MYO5B: variants seen among roughly 807,000 people sequenced by gnomAD.
MYO5B encodes unconventional myosin-Vb.
MYO5B carries 143 observed loss-of-function variants against 229.3 expected under a neutral mutation model. The ratio of observed to expected loss-of-function variants is 0.62; its 90% confidence interval spans 0.54 to 0.72. The LOEUF is 0.72. Among genes scored for constraint, MYO5B ranks in the 30% least tolerant of loss-of-function variants. The pLI is 0.00. For missense variants in MYO5B, 2,321 were observed against 2,331.0 expected (o/e 1.00, Z 0.09); for synonymous variants, 918 against 885.2 (o/e 1.04, Z -0.66).
At chr18:50,091,461 G>A (rs2031446690) in intron 1 of MYO5B, among the ~76,000 whole-genome samples, 3 of 151,706 alleles carry the variant, frequency 2.0e-5, no homozygotes, top group Admixed American at 2.0e-4. Context: ...ATGTATAGAT[G>A]GCACTTCATA....
intron 17 of MYO5B, among the ~76,000 whole-genome samples, chr18:49,915,283 C>T (rs953177999): frequency 6.6e-6 from 1 of 150,882 alleles, no homozygotes; most frequent in African/African-American, 2.5e-5. Flanking sequence ...ACACCCTATT[C>T]TGCCCTATTC....
In MYO5B at chr18:50,150,144, C is replaced by T. The variant is rs1441605443; in HGVS notation, c.27+44623G>A. ...AAAACCACAATGAGATACCATCTCA[C>T]ACCAGTTAGAATGGCAATCATTAAA... On this transcript the variant is annotated intron_variant, in intron 1 of 39. Coordinates refer to ENST00000285039, the MANE Select transcript of MYO5B (RefSeq NM_001080467.3). Among the ~76,000 whole-genome samples the T allele has an allele frequency of 6.4e-5, 9 of 140,126 alleles. No homozygotes were observed. In the East Asian group the frequency reaches 1.7e-3, roughly 27 times the overall value. The allele number at this position is 140,126 out of a possible 152,430, so 91.9% of individuals were successfully genotyped here. A position where few individuals can be genotyped will look rare whatever the true frequency, so the allele number is the denominator to read the frequency against.
At chr18:50,111,760 C>G (rs966452313) in intron 1 of MYO5B, among the ~76,000 whole-genome samples, 2 of 152,226 alleles carry the variant, frequency 1.3e-5, no homozygotes, top group Non-Finnish European at 2.9e-5. Context: ...CGTTTACTAA[C>G]TGAACATTGG....
At chr18:50,172,245 C>A (rs1599075580) in intron 1 of MYO5B, among the ~76,000 whole-genome samples, 1 of 144,382 alleles carries the variant, frequency 6.9e-6, no homozygotes, top group Non-Finnish European at 1.5e-5. Context: ...CACGCCATTG[C>A]ACTCCAGCCT....
At chr18:49,938,731 T>C (rs1432786607) in intron 14 of MYO5B, among the ~76,000 whole-genome samples, 1 of 152,214 alleles carries the variant, frequency 6.6e-6, no homozygotes, top group African/African-American at 2.4e-5. Context: ...GTCACGTTGC[T>C]GTCTCATAGG....
At chr18:49,905,270 G>T (rs958555804) in intron 19 of MYO5B, among the ~76,000 whole-genome samples, 10 of 152,284 alleles carry the variant, frequency 6.6e-5, no homozygotes, top group African/African-American at 2.4e-4. Context: ...TAGGCACTGG[G>T]TAAGTGTTTG....
intron 2 of MYO5B, 44 bp from the exon 3 acceptor site, chr18:50,040,358 C>T (rs770258358): frequency 7.0e-6 from 11 of 1,565,752 alleles, no homozygotes; most frequent in East Asian, 6.7e-5. Flanking sequence ...GGTTATGAAG[C>T]GTTAAGTCTG....
rs1555795769 is a variant in MYO5B, at chr18:49,872,212, G to T, written c.3558C>A (p.Asp1186Glu). Residue 1186 changes from aspartate to glutamate, a missense_variant, in exon 27 of 40, where the codon GAC becomes GAA. Asp to Glu is a conservative substitution (Grantham distance 45). Around this residue, in one of 2 missense-constraint regions of MYO5B, gnomAD observed 2,113 missense variants for 2,044.7 expected, o/e 1.03. Transcript: ENST00000285039. ...KKVQAEPPQT[D>E]IDLDPNADLA... ...GATCTGCATTCGGGTCCAAATCTATGTCAGTCTGTGGTGGTTCCGCCTGCA... is the reference window on the plus strand; with the variant it reads ...GATCTGCATTCGGGTCCAAATCTATTTCAGTCTGTGGTGGTTCCGCCTGCA... 2 of 1,613,962 alleles carry T rather than the reference G, an allele frequency of 1.2e-6. No individual in the cohort carries two copies. Among genetic ancestry groups the T allele is most frequent in the Non-Finnish European group, 1.7e-6 (2 of 1,179,982 alleles).
At chr18:50,187,479 A>G (rs1432751613) in intron 1 of MYO5B, among the ~76,000 whole-genome samples, 1 of 152,134 alleles carries the variant, frequency 6.6e-6, no homozygotes, top group Non-Finnish European at 1.5e-5. Flanking sequence ...TGACAAACCC[A>G]AAATCATTCT....
At chr18:50,126,978 T>A (rs2032174451) in intron 1 of MYO5B, among the ~76,000 whole-genome samples, 1 of 152,222 alleles carries the variant, frequency 6.6e-6, no homozygotes, top group Non-Finnish European at 1.5e-5. Context: ...TTAAAAAGTA[T>A]TTTTTAGAAC....
At chr18:50,059,466 G>C (rs1228083931) in intron 1 of MYO5B, among the ~76,000 whole-genome samples, 1 of 152,220 alleles carries the variant, frequency 6.6e-6, no homozygotes, top group Non-Finnish European at 1.5e-5. Flanking sequence ...TTGGAAGAGA[G>C]AAAGTTGGTA....
chr18:49,990,987 T>C (rs1384407781), intron 6 of MYO5B, among the ~76,000 whole-genome samples: 3 of 150,224 alleles, frequency 2.0e-5, no homozygotes, highest in African/African-American at 7.4e-5. Context: ...TGAGGCAGGA[T>C]GTCTGGGGAA....
Position 50,087,970 on chromosome 18 carries a change from CAG to C in MYO5B, c.28-32594_28-32593del, listed in dbSNP as rs537720705. ...GGGTACCACAGAAACTCTGAGATGGCAGAGATTCTTTTGGCTGGAAGGTTAGA... is the reference window on the plus strand; with the variant it reads ...GGGTACCACAGAAACTCTGAGATGGCAGATTCTTTTGGCTGGAAGGTTAGA... On this transcript the variant is annotated intron_variant, in intron 1 of 39. Coordinates refer to ENST00000285039, the MANE Select transcript of MYO5B (RefSeq NM_001080467.3). 2.7e-4 allele frequency among the ~76,000 whole-genome samples: 41 copies of C among 152,288 alleles called. No individual in the cohort carries two copies. In the East Asian group the frequency reaches 7.9e-3, roughly 29 times the overall value.
intron 14 of MYO5B, among the ~76,000 whole-genome samples, chr18:49,941,883 C>CA: frequency 7.1e-6 from 1 of 140,258 alleles, no homozygotes; most frequent in Non-Finnish European, 1.5e-5. Flanking sequence ...AATCCTAAGC[C>CA]AAAAGAACAA....
At chr18:49,988,833 G>T (rs1218310057) in intron 7 of MYO5B, among the ~76,000 whole-genome samples, 3 of 152,168 alleles carry the variant, frequency 2.0e-5, no homozygotes, top group Non-Finnish European at 4.4e-5. Flanking sequence ...AGAGTGCTCA[G>T]CCCCTGTTCT....
chr18:50,149,186 G>T (rs1306377017), intron 1 of MYO5B, among the ~76,000 whole-genome samples: 2 of 152,120 alleles, frequency 1.3e-5, no homozygotes, highest in Non-Finnish European at 2.9e-5. Flanking sequence ...AATCAAAGAG[G>T]ATACAAACAA....
chr18:49,885,260 T>G (rs2024630143), intron 22 of MYO5B, among the ~76,000 whole-genome samples: 1 of 152,150 alleles, frequency 6.6e-6, no homozygotes, highest in Non-Finnish European at 1.5e-5. Flanking sequence ...CGTCTCAACC[T>G]GTGTAGAAAG....
At chr18:49,977,833 A>G (rs1349719946) in intron 9 of MYO5B, among the ~76,000 whole-genome samples, 1 of 152,236 alleles carries the variant, frequency 6.6e-6, no homozygotes, top group Non-Finnish European at 1.5e-5. Context: ...GCTCTGTGCT[A>G]AAACCTTTCC....
chr18:50,051,142 T>C (rs575395371), intron 2 of MYO5B, among the ~76,000 whole-genome samples: 7 of 152,346 alleles, frequency 4.6e-5, no homozygotes, highest in African/African-American at 1.7e-4. Context: ...ATTTTTAAAA[T>C]AGTAAATGTT....
Sources: allele counts gnomAD v4.1 joint callset (sites outside exome capture counted in the v4.1 genomes callset), GRCh38; gene constraint gnomAD v4.1.1; regional missense constraint gnomAD v4.1.1; transcripts MANE v1.5; gene names NCBI Gene and HGNC (gene_info 2026-07-23, HGNC 2026-07-21).